The following PI4KB variants were observed in gnomAD, a reference collection of about 807,000 sequenced individuals.
The protein encoded by PI4KB is phosphatidylinositol 4-kinase beta.
In PI4KB, 23 loss-of-function variants were observed where a neutral mutation model predicts 81.4. The observed-to-expected ratio is 0.28, with a 90% confidence interval of 0.20 to 0.40. The LOEUF is 0.40. Ranked by LOEUF, PI4KB falls within the 10% of genes least tolerant of loss-of-function variation. The pLI is 1.00. For missense variants in PI4KB, 651 were observed against 1,036.6 expected (o/e 0.63, Z 5.11); for synonymous variants, 381 against 406.8 (o/e 0.94, Z 0.76).
intron 8 of PI4KB, chr1:151,301,013 A>C (rs1449308363): frequency 6.6e-6 from 1 of 152,298 alleles, no homozygotes; most frequent in East Asian, 1.9e-4. Context: ...TCTAAAGTTC[A>C]GACTTGGAAC....
chr1:151,321,462 G>A lies in PI4KB; in HGVS notation c.-28-4953C>T, dbSNP rs147950159. On this transcript the variant is annotated intron_variant, in intron 1 of 11. Coordinates refer to ENST00000368873, the MANE Select transcript of PI4KB (RefSeq NM_001369623.2). ...TGCAGTGGCGCAATGTTGGCTCACC[G>A]CAACCTCCGCCTCCCAGGTTCAAGC... is the stretch of plus-strand genomic sequence containing the variant. Among the ~76,000 whole-genome samples, 719 of 151,950 alleles carry A rather than the reference G, an allele frequency of 4.7e-3. 5 individuals are homozygous for A. The highest frequency in any genetic ancestry group is 0.016 in the African/African-American group (682 of 41,490).
intron 1 of PI4KB, 70 bp from the exon 2 acceptor site, chr1:151,316,579 C>A: frequency 9.0e-7 from 1 of 1,115,824 alleles, no homozygotes. Context: ...TGGTGCCATC[C>A]TCAGATCTTC....
chr1:151,296,323 G>A (rs1264631980), intron 9 of PI4KB, among the ~76,000 whole-genome samples: 1 of 152,070 alleles, frequency 6.6e-6, no homozygotes, highest in Non-Finnish European at 1.5e-5. Flanking sequence ...GGGCTGGCAG[G>A]GTGGAATGAG....
In PI4KB at chr1:151,303,519, G is replaced by A. The variant is rs762104602; in HGVS notation, c.1520+22C>T. ...TCCTGAAAGAGGGATGAAAAATGAG[G>A]GGCAATGTGATCTGGCCATACCGGA... On this transcript the variant is annotated intron_variant, in intron 6 of 11. Transcript: ENST00000368873. The A allele has an allele frequency of 3.6e-6, 5 of 1,394,554 alleles. No homozygotes were observed. In the South Asian group the frequency reaches 4.6e-5, roughly 13 times the overall value. The allele number at this position is 1,394,554 out of a possible 1,614,324, so 86.4% of individuals were successfully genotyped here. A position where few individuals can be genotyped will look rare whatever the true frequency, so the allele number is the denominator to read the frequency against.
intron 1 of PI4KB, among the ~76,000 whole-genome samples, chr1:151,322,547 A>AT (rs1456334371): frequency 6.6e-6 from 1 of 151,934 alleles, no homozygotes; most frequent in Non-Finnish European, 1.5e-5. Flanking sequence ...CTTTTTCAAA[A>AT]TTTTTTCCAT....
chr1:151,310,234 T>C lies in PI4KB; in HGVS notation c.931A>G (p.Ser311Gly), dbSNP rs766422704. ...ACGGAACTGAATGAATTATCAATAC[T>C]CTCGGTGCTGGAGGAGAGCTCCTGG... Reference protein sequence around the residue: ...EDEELSSSTESIDNSFSSPVR... With the variant: ...EDEELSSSTEGIDNSFSSPVR... Residue 311 changes from serine (S) to glycine (G), a missense_variant, in exon 3 of 12, where the codon AGT becomes GGT. Physicochemically the swap from Ser to Gly is moderately conservative, Grantham distance 56. Around this residue, in one of 5 missense-constraint regions of PI4KB, gnomAD observed 314 missense variants for 397.8 expected, o/e 0.79. Transcript: ENST00000368873. 4 of 1,601,104 alleles carry C rather than the reference T, an allele frequency of 2.5e-6. No homozygotes were observed. In the Admixed American group the frequency reaches 6.8e-5, roughly 27 times the overall value.
At chr1:151,297,452 C>T (rs1180908585) in intron 9 of PI4KB, among the ~76,000 whole-genome samples, 1 of 151,086 alleles carries the variant, frequency 6.6e-6, no homozygotes, top group African/African-American at 2.4e-5. Context: ...AGCAATTCTC[C>T]TGCCTTACCT....
At chr1:151,308,530 G>T (rs1206156579) in intron 3 of PI4KB, among the ~76,000 whole-genome samples, 2 of 152,148 alleles carry the variant, frequency 1.3e-5, no homozygotes, top group Non-Finnish European at 2.9e-5. Context: ...GGCCCTGAAG[G>T]CCTGTCTCTT....
At position 151,298,909 on chromosome 1, in the gene PI4KB, G is replaced by A. The variant is rs780329893; in HGVS notation, c.1914C>T (p.His638=). 1.8e-5 allele frequency: 29 copies of A among 1,613,990 alleles called. No homozygotes were observed. Among genetic ancestry groups the A allele is most frequent in the East Asian group, 4.5e-5 (2 of 44,896 alleles). ...LSLLDYFLQE[H]GSYTTEAFLS... Reference sequence around the variant, plus strand: ...GGAATGCCTCAGTGGTGTAACTGCCGTGCTCCTGTAGGAAGTAATCGAGCA... The same window carrying A: ...GGAATGCCTCAGTGGTGTAACTGCCATGCTCCTGTAGGAAGTAATCGAGCA... The change falls in exon 9 of 12, where the codon CAC becomes CAT. Residue 638 remains histidine, a synonymous_variant. Coordinates refer to ENST00000368873, the MANE Select transcript of PI4KB (RefSeq NM_001369623.2).
At chr1:151,323,824 G>C (rs946757468) in intron 1 of PI4KB, among the ~76,000 whole-genome samples, 4 of 152,148 alleles carry the variant, frequency 2.6e-5, no homozygotes, top group Non-Finnish European at 5.9e-5. Flanking sequence ...TCAGAACACT[G>C]AGATAATTAA....
intron 2 of PI4KB, 147 bp downstream of exon 2, chr1:151,315,426 T>C (rs975060234): frequency 6.1e-6 from 4 of 659,386 alleles, no homozygotes; most frequent in Non-Finnish European, 1.1e-5. Flanking sequence ...TTCTAAGGCC[T>C]TTCCATTCTA....
intron 1 of PI4KB, chr1:151,324,690 A>C: frequency 1.1e-6 from 1 of 882,198 alleles, no homozygotes; most frequent in Non-Finnish European, 1.4e-6. Flanking sequence ...AGCCCAAGCC[A>C]GCTATGGGAG....
At chr1:151,293,079 G>C (rs1366352293) in intron 11 of PI4KB, 46 bp from the exon 12 acceptor site, 1 of 1,601,858 alleles carries the variant, frequency 6.2e-7, no homozygotes, top group Non-Finnish European at 8.5e-7. Flanking sequence ...GACGGGAGGG[G>C]CAGTGGTGTC....
At chr1:151,317,968 T>C (rs1297193132) in intron 1 of PI4KB, among the ~76,000 whole-genome samples, 2 of 151,736 alleles carry the variant, frequency 1.3e-5, no homozygotes, top group Admixed American at 1.3e-4. Flanking sequence ...GCCATCATGC[T>C]CAGCTAATTA....
intron 1 of PI4KB, among the ~76,000 whole-genome samples, chr1:151,321,140 C>T (rs966265184): frequency 6.6e-6 from 1 of 152,168 alleles, no homozygotes; most frequent in Non-Finnish European, 1.5e-5. Context: ...AACAGACTCT[C>T]CCTCCCGGCA....
At position 151,293,011 on chromosome 1, in the gene PI4KB, A is replaced by G; in HGVS notation, c.2292T>C (p.His764=). 6.2e-7 allele frequency: 1 copy of G among 1,614,054 alleles called. No individual in the cohort carries two copies. The highest frequency in any genetic ancestry group is 1.3e-5 in the African/African-American group (1 of 75,044). The change falls in exon 12 of 12, where the codon CAT becomes CAC. Residue 764 remains histidine (H), a synonymous_variant. Transcript: ENST00000368873. The part of the protein sequence containing the change: ...MQQGSQLPCF[H]GSSTIRNLKE... ...TGAGGTTTCGAATGGTGCTGGAGCCATGGAAGCAAGGAAGCTGAGAACCTG... is the reference window on the plus strand; with the variant it reads ...TGAGGTTTCGAATGGTGCTGGAGCCGTGGAAGCAAGGAAGCTGAGAACCTG...
chr1:151,326,324 T>TC, intron 1 of PI4KB: 2 of 681,692 alleles, frequency 2.9e-6, no homozygotes, highest in Non-Finnish European at 5.1e-6. Context: ...CAGCTGAGGC[T>TC]CCCCCTGCTC....
At chr1:151,303,339 A>T (rs1695468537) in intron 6 of PI4KB, 3 of 545,026 alleles carry the variant, frequency 5.5e-6, no homozygotes, top group Non-Finnish European at 1.0e-5. Context: ...TTTAAAATTT[A>T]ATTTCCTTCT....
chr1:151,298,995 TCA>T lies in PI4KB; in HGVS notation c.1826_1827del (p.Met609AsnfsTer2). ...KILVISADSG[M>X]IEPVVNAVSI... ...GACACAGCATTGACCACTGGTTCAA[TCA>T]TGCCACTATCAGCCGAAATCACAAG... On this transcript the variant is annotated frameshift_variant, in exon 9 of 12. Coordinates refer to ENST00000368873, the MANE Select transcript of PI4KB (RefSeq NM_001369623.2). LOFTEE classifies it high-confidence loss of function. 1 of 1,614,178 alleles carries T rather than the reference TCA, an allele frequency of 6.2e-7. No homozygotes were observed. The highest frequency in any genetic ancestry group is 8.5e-7 in the Non-Finnish European group (1 of 1,179,994).
Sources: gnomAD v4.1 joint callset for allele counts (sites outside exome capture counted in the v4.1 genomes callset) on GRCh38, gnomAD v4.1.1 for gene constraint, gnomAD v4.1.1 regional missense constraint, MANE v1.5 for transcripts, NCBI Gene and HGNC (gene_info 2026-07-23, HGNC 2026-07-21) for gene names.